The following COL23A1 variants were observed in gnomAD, a reference collection of about 807,000 sequenced individuals.
The protein encoded by COL23A1 is collagen alpha-1(XXIII) chain.
COL23A1 carries 97 observed loss-of-function variants against 99.3 expected under a neutral mutation model. The ratio of observed to expected loss-of-function variants is 0.98; its 90% CI spans 0.83 to 1.16. The LOEUF (loss-of-function observed/expected upper bound fraction) is 1.16. Ranked by LOEUF, COL23A1 falls within the 50% of genes most tolerant of loss-of-function variation. The pLI is 0.00. For synonymous variants in COL23A1, 320 were observed against 308.2 expected (o/e 1.04, Z -0.40); for missense variants, 762 against 757.4 (o/e 1.01, Z -0.07).
chr5:178,474,593 T>C (rs977599079), intron 2 of COL23A1, among the ~76,000 whole-genome samples: 6 of 152,250 alleles, frequency 3.9e-5, no homozygotes, highest in African/African-American at 1.4e-4. Context: ...TTTCTAACTG[T>C]AGAGGAACAT....
At chr5:178,400,236 G>A (rs906025152) in intron 2 of COL23A1, among the ~76,000 whole-genome samples, 3 of 151,838 alleles carry the variant, frequency 2.0e-5, no homozygotes, top group Admixed American at 6.6e-5. Flanking sequence ...GCGTGGTGGC[G>A]GGCGCCTGTA....
intron 2 of COL23A1, among the ~76,000 whole-genome samples, chr5:178,435,738 G>A (rs1766523002): frequency 6.6e-6 from 1 of 152,194 alleles, no homozygotes; most frequent in African/African-American, 2.4e-5. Flanking sequence ...TTGCATGCAG[G>A]GCCCTGTTTA....
intron 2 of COL23A1, among the ~76,000 whole-genome samples, chr5:178,319,222 G>A (rs1221020121): frequency 2.0e-5 from 3 of 152,114 alleles, no homozygotes; most frequent in Non-Finnish European, 2.9e-5. Context: ...GTCATCTCCT[G>A]GGATCTTGTT....
chr5:178,415,844 G>T lies in COL23A1; in HGVS notation c.362-108925C>A, dbSNP rs1292979406. Among the ~76,000 whole-genome samples the T allele has an allele frequency of 6.6e-6, 1 of 152,170 alleles. No homozygotes were observed. Among genetic ancestry groups the T allele is most frequent in the East Asian group, 1.9e-4 (1 of 5,192 alleles). Reference sequence around the variant, plus strand: ...TCGAGGGCACAACTGCAGACATCAGGGGCAGGATAAGGGAGAGGAGGTACT... The same window carrying T: ...TCGAGGGCACAACTGCAGACATCAGTGGCAGGATAAGGGAGAGGAGGTACT... On this transcript the variant is annotated intron_variant, in intron 2 of 28. Transcript: ENST00000390654. The surrounding 1 kb of genome is among the most constrained non-coding windows in gnomAD (Gnocchi z 4.6).
intron 2 of COL23A1, among the ~76,000 whole-genome samples, chr5:178,465,435 A>G (rs1468497106): frequency 6.6e-6 from 1 of 152,248 alleles, no homozygotes; most frequent in East Asian, 1.9e-4. Context: ...TCAGAAGGTC[A>G]GGAACCCAGG....
chr5:178,414,921 T>G (rs1765228326), intron 2 of COL23A1, among the ~76,000 whole-genome samples: 1 of 150,700 alleles, frequency 6.6e-6, no homozygotes, highest in African/African-American at 2.4e-5. Context: ...TGTGGAGGTG[T>G]GGGTAGGGGT....
intron 1 of COL23A1, among the ~76,000 whole-genome samples, chr5:178,572,325 G>A (rs1384471246): frequency 6.6e-6 from 1 of 151,954 alleles, no homozygotes; most frequent in African/African-American, 2.4e-5. Context: ...CACCAAATGA[G>A]GAGTGAGAAA....
At chr5:178,303,558 G>C (rs1561842941) in intron 3 of COL23A1, among the ~76,000 whole-genome samples, 1 of 152,152 alleles carries the variant, frequency 6.6e-6, no homozygotes, top group Admixed American at 6.5e-5. Context: ...TTTAGAAAGA[G>C]TTTCTTGGGA....
chr5:178,305,008 C>G (rs1758274154), intron 3 of COL23A1, among the ~76,000 whole-genome samples: 1 of 152,152 alleles, frequency 6.6e-6, no homozygotes, highest in South Asian at 2.1e-4. Flanking sequence ...TAATATCATA[C>G]TTTGTCCTAA....
rs1218410169 is a variant in COL23A1 at position 178,270,078 on chromosome 5, C to A, written c.468+259G>T. Among the ~76,000 whole-genome samples, 4 of 152,306 alleles carry A rather than the reference C, an allele frequency of 2.6e-5. No individual in the cohort carries two copies. The East Asian group carries it at 7.7e-4, about 29-fold the overall frequency. On this transcript the variant is annotated intron_variant, in intron 6 of 28. Transcript: ENST00000390654. ...CCGTCCACAGTTTTCCATAGGTCCA[C>A]CCCTCCTATGAGAGAGGGGTTCATG...
chr5:178,349,844 C>CT (rs1386905238), intron 2 of COL23A1, among the ~76,000 whole-genome samples: 4 of 144,552 alleles, frequency 2.8e-5, no homozygotes, highest in Non-Finnish European at 6.0e-5. Flanking sequence ...GAGGAGGCCG[C>CT]CCCCTGCAGT....
At chr5:178,505,776 T>C (rs1758834463) in intron 2 of COL23A1, among the ~76,000 whole-genome samples, 1 of 152,070 alleles carries the variant, frequency 6.6e-6, no homozygotes, top group Admixed American at 6.6e-5. Context: ...AGGAGGACTA[T>C]GGTGGGGACT....
At chr5:178,427,026 G>A (rs950414399) in intron 2 of COL23A1, among the ~76,000 whole-genome samples, 11 of 152,246 alleles carry the variant, frequency 7.2e-5, no homozygotes, top group East Asian at 1.9e-4. Context: ...GTGAAACCCC[G>A]TCTCTACTAA....
chr5:178,312,274 C>T (rs1758737380), intron 2 of COL23A1, among the ~76,000 whole-genome samples: 1 of 152,134 alleles, frequency 6.6e-6, no homozygotes, highest in Non-Finnish European at 1.5e-5. Flanking sequence ...TGAGGTTTCT[C>T]AATGAAATTT....
Position 178,468,551 on chromosome 5 carries a change from C to A in COL23A1, c.361+92131G>T, listed in dbSNP as rs1314711537. On this transcript the variant is annotated intron_variant, in intron 2 of 28. Transcript: ENST00000390654. This position sits in a 1 kb window ranked among gnomAD's most constrained non-coding sequence, Gnocchi z 4.2. ...CTCACACCCAGGCCTCACCCGGCCC[C>A]GTCCCTCTGAGCTGACCTCAGGCTG... is the stretch of plus-strand genomic sequence containing the variant. Among the ~76,000 whole-genome samples, 6 of 152,120 alleles carry A rather than the reference C, an allele frequency of 3.9e-5. No individual in the cohort carries two copies. Among genetic ancestry groups the A allele is most frequent in the African/African-American group, 1.4e-4 (6 of 41,436 alleles).
chr5:178,360,814 G>A (rs1182131569), intron 2 of COL23A1, among the ~76,000 whole-genome samples: 1 of 152,204 alleles, frequency 6.6e-6, no homozygotes, highest in Non-Finnish European at 1.5e-5. Flanking sequence ...GGAACCGGGG[G>A]ACCCAAAGAG....
At chr5:178,539,345 G>C (rs911058724) in intron 2 of COL23A1, among the ~76,000 whole-genome samples, 5 of 152,018 alleles carry the variant, frequency 3.3e-5, no homozygotes, top group African/African-American at 1.2e-4. Flanking sequence ...TCAGGAGTTC[G>C]AGACCAGCCT....
chr5:178,357,674 AGTT>A (rs1457085251), intron 2 of COL23A1, among the ~76,000 whole-genome samples: 1 of 152,080 alleles, frequency 6.6e-6, no homozygotes, highest in Non-Finnish European at 1.5e-5. Flanking sequence ...TGAAATTTTC[AGTT>A]GTTATTTTGC....
chr5:178,378,773 G>A (rs1430499117), intron 2 of COL23A1, among the ~76,000 whole-genome samples: 1 of 152,192 alleles, frequency 6.6e-6, no homozygotes, highest in Non-Finnish European at 1.5e-5. Context: ...CAAGGCTCAA[G>A]GACAGGGTGA....
Sources: allele counts gnomAD v4.1 joint callset (sites outside exome capture counted in the v4.1 genomes callset), GRCh38; gene constraint gnomAD v4.1.1; non-coding constraint Gnocchi (gnomAD v3.1); transcripts MANE v1.5; gene names NCBI Gene and HGNC (gene_info 2026-07-23, HGNC 2026-07-21).